Variants in TP53I13 observed in about 807,000 individuals in gnomAD.
The protein encoded by TP53I13 is tumor protein p53-inducible protein 13.
A neutral mutation model predicts 39.1 loss-of-function variants in TP53I13; 27 were observed. That is an observed-to-expected ratio of 0.69 (90% CI 0.51 to 0.95). The LOEUF (loss-of-function observed/expected upper bound fraction) is 0.95, where lower values mean the gene tolerates loss of function less well. TP53I13 is among the 40% of genes least tolerant of loss of function. The probability of loss-of-function intolerance (pLI) is 0.00; values close to 1 mark genes in which losing one functional copy is unlikely to be tolerated. For missense variants in TP53I13, 544 were observed against 520.4 expected, an observed-to-expected ratio of 1.05 and a Z score of -0.44; for synonymous variants, 230 against 224.6, an observed-to-expected ratio of 1.02 and a Z score of -0.22.
downstream of TP53I13, chr17:29,575,039 G>A (rs1264043987): frequency 3.3e-6 from 5 of 1,523,044 alleles, no homozygotes; most frequent in Non-Finnish European, 4.5e-6. The surrounding 1 kb of genome is among the most constrained non-coding windows in gnomAD (Gnocchi z 5.5). Flanking sequence ...GCCCCAGCTC[G>A]AGGCCCTCCC....
At chr17:29,566,878 C>T (rs768015633), upstream of TP53I13, 2 of 1,498,258 alleles carry the variant, frequency 1.3e-6, no homozygotes, top group South Asian at 2.5e-5. Context: ...GACGGCGCGC[C>T]CCCAGGGTCC....
rs568969538 is a variant in TP53I13, at chr17:29,570,198, G to C, written c.183+839G>C. Among the ~76,000 whole-genome samples the C allele has an allele frequency of 8.1e-5, 11 of 136,018 alleles. No homozygotes were observed. In the South Asian group the frequency reaches 2.6e-3, roughly 33 times the overall value. 89.2% of individuals were successfully genotyped at this position (136,018 alleles called of 152,430 possible). A position where few individuals can be genotyped will look rare whatever the true frequency, so the allele number is the denominator to read the frequency against. On this transcript the variant is annotated intron_variant, in intron 3 of 6. Transcript: ENST00000301057. ...TGGGATTACAGGTGTGAGCCACCAT[G>C]CCTGGCCTGAAATACCTAACTTAAA...
upstream of TP53I13, chr17:29,566,810 C>T: frequency 3.3e-6 from 5 of 1,515,324 alleles, no homozygotes; most frequent in South Asian, 3.7e-5. Context: ...GCCGGGCCTC[C>T]GCCGTCCGCC....
In TP53I13 at chr17:29,572,264, T is replaced by C; in HGVS notation, c.636T>C (p.Gly212=). Residue 212 remains glycine, a synonymous_variant, in exon 6 of 7, where the codon GGT becomes GGC. Coordinates refer to ENST00000301057, the MANE Select transcript of TP53I13 (RefSeq NM_138349.4). ...GGCGGAGGCTGCGGGCTGCCCTTGGTCCCCAGCCCACTCGCTCAGCCCTGA... is the reference window on the plus strand; with the variant it reads ...GGCGGAGGCTGCGGGCTGCCCTTGGCCCCCAGCCCACTCGCTCAGCCCTGA... ...AKRRRLRAAL[G]PQPTRSALRF... 1 of 1,612,766 alleles carries C rather than the reference T, an allele frequency of 6.2e-7. No individual in the cohort carries two copies. Among genetic ancestry groups the C allele is most frequent in the Non-Finnish European group, 8.5e-7 (1 of 1,179,992 alleles).
chr17:29,581,074 CG>C, the TP53I13 span: 1 of 528,172 alleles, frequency 1.9e-6, no homozygotes, highest in Non-Finnish European at 3.4e-6. This position sits in a 1 kb window ranked among gnomAD's most constrained non-coding sequence, Gnocchi z 4.8. Context: ...CCACCGCGCC[CG>C]GCCCACAGGT....
Position 29,572,012 on chromosome 17 carries a change from G to GC in TP53I13, c.470dup (p.Thr158AsnfsTer4). 1 of 1,613,156 alleles carries GC rather than the reference G, an allele frequency of 6.2e-7. No homozygotes were observed. The highest frequency in any genetic ancestry group is 8.5e-7 in the Non-Finnish European group (1 of 1,180,018). On this transcript the variant is annotated frameshift_variant, in exon 5 of 7. Coordinates refer to ENST00000301057, the MANE Select transcript of TP53I13 (RefSeq NM_138349.4). LOFTEE classifies it high-confidence loss of function. Reference sequence around the variant, plus strand: ...GCCTTTCAGGGCCTGCTCCCTCCGAGCCAACTCCCGGTAGAGGGAGGCTGT... The same window carrying GC: ...GCCTTTCAGGGCCTGCTCCCTCCGAGCCCAACTCCCGGTAGAGGGAGGCTGT...
the TP53I13 span, chr17:29,581,531 G>A: frequency 1.1e-5 from 8 of 729,878 alleles, no homozygotes; most frequent in East Asian, 2.6e-5. The surrounding 1 kb of genome is among the most constrained non-coding windows in gnomAD (Gnocchi z 4.8). Context: ...CTGGGAGCTC[G>A]TGGGAGGATG....
chr17:29,578,282 C>T, the TP53I13 span: 2 of 1,607,196 alleles, frequency 1.2e-6, no homozygotes, highest in East Asian at 2.2e-5. Flanking sequence ...GCCAGACACT[C>T]CTGCTCCCTG....
At chr17:29,579,129 A>C in the TP53I13 span, 20 of 716,146 alleles carry the variant, frequency 2.8e-5, no homozygotes, top group Non-Finnish European at 4.7e-5. Context: ...AGCTGAATTC[A>C]TCTCACCGCG....
chr17:29,566,392 T>C, upstream of TP53I13: 6 of 1,611,280 alleles, frequency 3.7e-6, no homozygotes, highest in Non-Finnish European at 5.1e-6. Context: ...GCCGCGGCGA[T>C]GGAAGATGAC....
At chr17:29,579,945 C>A in the TP53I13 span, among the ~76,000 whole-genome samples, 1 of 152,152 alleles carries the variant, frequency 6.6e-6, no homozygotes, top group Non-Finnish European at 1.5e-5. Flanking sequence ...CTGATGCTCT[C>A]GGGGCTGCTC....
chr17:29,574,439 C>T (rs2033108504), downstream of TP53I13: 2 of 518,032 alleles, frequency 3.9e-6, no homozygotes, highest in South Asian at 2.2e-5. Context: ...CCTTGCAGGC[C>T]CCTGCTCACT....
At chr17:29,580,535 G>C in the TP53I13 span, among the ~76,000 whole-genome samples, 8 of 152,206 alleles carry the variant, frequency 5.3e-5, no homozygotes, top group Admixed American at 1.3e-4. Context: ...GTGGCAGGGG[G>C]TGTCCCACAC....
At chr17:29,574,717 T>G, downstream of TP53I13, 1 of 1,612,936 alleles carries the variant, frequency 6.2e-7, no homozygotes. Context: ...GCTTCTTCTC[T>G]CGGGTGGTGA....
the TP53I13 span, among the ~76,000 whole-genome samples, chr17:29,579,990 T>C: frequency 6.6e-6 from 1 of 152,150 alleles, no homozygotes; most frequent in African/African-American, 2.4e-5. Flanking sequence ...GTCTTGCTTG[T>C]AGGGTTCCCT....
downstream of TP53I13, chr17:29,576,552 C>T (rs149133882): frequency 2.5e-6 from 4 of 1,613,988 alleles, no homozygotes; most frequent in Admixed American, 1.7e-5. Flanking sequence ...GCTCGTCGCT[C>T]AGGCTACTGT....
At chr17:29,575,038 C>A, downstream of TP53I13, 2 of 1,521,180 alleles carry the variant, frequency 1.3e-6, no homozygotes, top group Non-Finnish European at 9.0e-7. This position sits in a 1 kb window ranked among gnomAD's most constrained non-coding sequence, Gnocchi z 5.5. Context: ...TGCCCCAGCT[C>A]GAGGCCCTCC....
In TP53I13 at chr17:29,569,308, C is replaced by T. The variant is rs776578225; in HGVS notation, c.142-10C>T. 1 of 1,613,778 alleles carries T rather than the reference C, an allele frequency of 6.2e-7. No individual in the cohort carries two copies. Among genetic ancestry groups the T allele is most frequent in the Non-Finnish European group, 8.5e-7 (1 of 1,179,868 alleles). On this transcript the variant is annotated splice_polypyrimidine_tract_variant and intron_variant, in intron 2 of 6. Transcript: ENST00000301057. ...AACTGCCCTAAGCTCTGTTCTTTCC[C>T]CATGTATAGGTGTCACCAAGAGTGA...
At chr17:29,566,986 G>GGCGGGCA (rs2032733171), upstream of TP53I13, 2 of 1,294,942 alleles carry the variant, frequency 1.5e-6, no homozygotes, top group Non-Finnish European at 1.9e-6. Context: ...GGAGAGCCCC[G>GGCGGGCA]GCGGGCAGCG....
Sources: allele counts gnomAD v4.1 joint callset (sites outside exome capture counted in the v4.1 genomes callset), GRCh38; gene constraint gnomAD v4.1.1; non-coding constraint Gnocchi (gnomAD v3.1); transcripts MANE v1.5; gene names NCBI Gene and HGNC (gene_info 2026-07-23, HGNC 2026-07-21).